LRRC66: variants seen among roughly 807,000 people sequenced by gnomAD.
LRRC66 encodes leucine rich repeat containing 66, also known as leucine-rich repeat-containing protein 66.
A neutral mutation model predicts 24.6 loss-of-function variants in LRRC66; 29 were observed. The ratio of observed to expected loss-of-function variants is 1.18; its 90% CI spans 0.88 to 1.61. The LOEUF (loss-of-function observed/expected upper bound fraction) is 1.61. LRRC66 is among the 40% of genes most tolerant of loss of function. The probability of loss-of-function intolerance (pLI) is 0.00; values close to 1 mark genes in which losing one functional copy is unlikely to be tolerated. For synonymous variants in LRRC66, 411 were observed against 397.6 expected (o/e 1.03, Z -0.40); for missense variants, 1,124 against 1,058.0 (o/e 1.06, Z -0.87).
At chr4:51,996,529 C>G (rs1736322310) in intron 4 of LRRC66, among the ~76,000 whole-genome samples, 1 of 152,148 alleles carries the variant, frequency 6.6e-6, no homozygotes, top group Non-Finnish European at 1.5e-5. Context: ...ACAGCTGGGA[C>G]TATAGGTGTG....
intron 2 of LRRC66, among the ~76,000 whole-genome samples, chr4:52,009,979 CAAT>C (rs1372943816): frequency 6.6e-6 from 1 of 151,982 alleles, no homozygotes; most frequent in East Asian, 1.9e-4. Context: ...ATAAAAAAGA[CAAT>C]AAATCATGAC....
At chr4:51,999,051 T>G (rs1355753549) in intron 3 of LRRC66, among the ~76,000 whole-genome samples, 1 of 152,144 alleles carries the variant, frequency 6.6e-6, no homozygotes, top group Non-Finnish European at 1.5e-5. Flanking sequence ...ACATACCCTC[T>G]TGGTGCCTGA....
chr4:52,017,666 C>G, intron 1 of LRRC66, 48 bp from the exon 2 acceptor site: 1 of 1,459,462 alleles, frequency 6.9e-7, no homozygotes, highest in African/African-American at 1.4e-5. Context: ...TATATAAAAA[C>G]TAACAGCAAT....
At position 51,995,703 on chromosome 4, in the gene LRRC66, G is replaced by A. The variant is rs748535219; in HGVS notation, c.1319C>T (p.Thr440Ile). The change falls in exon 5 of 5, where the codon ACC (threonine) becomes ATC (isoleucine). Residue 440 changes from threonine (T) to isoleucine (I), a missense_variant. Transcript: ENST00000682860. ...ATGAGGAAATACTTGGCGCAGATGG[G>A]TCTCTGGGTGTGGTGTGTGCCCCGC... is the stretch of plus-strand genomic sequence containing the variant. ...EAAGHTPHPE[T>I]HLRQVFPHLS... 3.7e-6 allele frequency: 6 copies of A among 1,614,162 alleles called. No homozygotes were observed. Among genetic ancestry groups the A allele is most frequent in the East Asian group, 4.5e-5 (2 of 44,874 alleles).
intron 2 of LRRC66, among the ~76,000 whole-genome samples, chr4:52,011,024 A>G (rs972434836): frequency 6.6e-6 from 1 of 152,222 alleles, no homozygotes; most frequent in Non-Finnish European, 1.5e-5. Context: ...AAAGGAGATC[A>G]GCGGTTTCCT....
chr4:51,997,637 G>A, intron 4 of LRRC66, 111 bp downstream of exon 4: 1 of 936,052 alleles, frequency 1.1e-6, no homozygotes, highest in African/African-American at 1.6e-5. Context: ...TAATGCCAAG[G>A]ATCAGCACTT....
chr4:52,019,040 C>T (rs934585294), intron 1 of LRRC66, among the ~76,000 whole-genome samples: 3 of 152,212 alleles, frequency 2.0e-5, no homozygotes, highest in Non-Finnish European at 4.4e-5. Flanking sequence ...CTACAACTCA[C>T]TAATTTGTAT....
At chr4:51,999,131 C>T (rs2110193461) in intron 3 of LRRC66, among the ~76,000 whole-genome samples, 2 of 152,132 alleles carry the variant, frequency 1.3e-5, no homozygotes, top group South Asian at 4.2e-4. Flanking sequence ...CAGGGTGGCT[C>T]ATGAGGTTTG....
chr4:52,012,050 G>A (rs1361249589), intron 2 of LRRC66, among the ~76,000 whole-genome samples: 1 of 152,060 alleles, frequency 6.6e-6, no homozygotes, highest in Admixed American at 6.6e-5. Flanking sequence ...AGCTGGGTGT[G>A]GTGGCAGGCA....
In LRRC66 at chr4:51,995,016, A is replaced by C. The variant is rs1736260950; in HGVS notation, c.2006T>G (p.Phe669Cys). Residue 669 changes from phenylalanine (F) to cysteine (C), a missense_variant, in exon 5 of 5, where the codon TTT (phenylalanine) becomes TGT (cysteine). Coordinates refer to ENST00000682860, the MANE Select transcript of LRRC66 (RefSeq NM_001024611.3). ...GDPRDTGPSV[F>C]PPRWDSGLDV... ...CAGGCCACTGTCCCATCTTGGAGGA[A>C]AGACTGATGGGCCTGTGTCTCTTGG... The C allele has an allele frequency of 2.5e-6, 4 of 1,614,002 alleles. No individual in the cohort carries two copies. The highest frequency in any genetic ancestry group is 3.4e-6 in the Non-Finnish European group (4 of 1,180,036).
Position 52,017,482 on chromosome 4 carries a change from T to C in LRRC66, c.132A>G (p.Thr44=), listed in dbSNP as rs369839451. The change falls in exon 2 of 5, where the codon ACA becomes ACG. Residue 44 remains threonine (T), a synonymous_variant. Coordinates refer to ENST00000682860, the MANE Select transcript of LRRC66 (RefSeq NM_001024611.3). ...CACACTTTCCGGTAAAAGAACAATT[T>C]GTCAGAATATATTCATTCCATTGGC... ...SECQWNEYIL[T]NCSFTGKCDI... The C allele has an allele frequency of 3.7e-5, 60 of 1,613,978 alleles. No individual in the cohort carries two copies. In the African/African-American group the frequency reaches 6.9e-4, roughly 19 times the overall value.
intron 1 of LRRC66, among the ~76,000 whole-genome samples, 87 bp downstream of exon 1, chr4:52,020,217 A>C (rs1736913773): frequency 6.6e-6 from 1 of 152,234 alleles, no homozygotes; most frequent in South Asian, 2.1e-4. Flanking sequence ...CATAAAAGAA[A>C]GGGTGGCAAA....
At chr4:52,001,936 T>C (rs1019431703) in intron 3 of LRRC66, among the ~76,000 whole-genome samples, 1 of 152,244 alleles carries the variant, frequency 6.6e-6, no homozygotes, top group African/African-American at 2.4e-5. Context: ...CCTATCCATG[T>C]CCATCAGCCA....
At chr4:51,999,077 G>C (rs1736388035) in intron 3 of LRRC66, among the ~76,000 whole-genome samples, 1 of 152,196 alleles carries the variant, frequency 6.6e-6, no homozygotes, top group African/African-American at 2.4e-5. Flanking sequence ...TGCTACACTA[G>C]AGTGAAGGAA....
Position 52,006,725 on chromosome 4 carries a change from T to A in LRRC66, c.497-3333A>T, listed in dbSNP as rs981405150. Among the ~76,000 whole-genome samples, 7 of 7,832 alleles carry A rather than the reference T, an allele frequency of 8.9e-4. 1 individual carries two copies. The highest frequency in any genetic ancestry group is 4.0e-3 in the African/African-American group (4 of 992). 5.1% of individuals were successfully genotyped at this position (7,832 alleles called of 152,430 possible). On this transcript the variant is annotated intron_variant, in intron 2 of 4. Coordinates refer to ENST00000682860, the MANE Select transcript of LRRC66 (RefSeq NM_001024611.3). Reference sequence around the variant, plus strand: ...ATAATAATAATAATAATAATAATAATAAAGAAAAAAAAACAAAAACAAAAA... The same window carrying A: ...ATAATAATAATAATAATAATAATAAAAAAGAAAAAAAAACAAAAACAAAAA...
intron 1 of LRRC66, among the ~76,000 whole-genome samples, chr4:52,019,370 G>T (rs1736893141): frequency 6.6e-6 from 1 of 151,644 alleles, no homozygotes; most frequent in African/African-American, 2.4e-5. Context: ...AAAAAAAAAA[G>T]GAACATTATC....
intron 2 of LRRC66, among the ~76,000 whole-genome samples, chr4:52,006,251 C>T (rs887236407): frequency 2.0e-5 from 3 of 152,182 alleles, no homozygotes; most frequent in East Asian, 1.9e-4. Flanking sequence ...CACATGCACA[C>T]GTATGTTTAT....
chr4:52,019,799 G>C (rs1341810213), intron 1 of LRRC66, among the ~76,000 whole-genome samples: 1 of 152,150 alleles, frequency 6.6e-6, no homozygotes, highest in African/African-American at 2.4e-5. Context: ...GTGCTGAAGA[G>C]AAAGACATGG....
chr4:52,013,214 T>C (rs1370913475), intron 2 of LRRC66, among the ~76,000 whole-genome samples: 1 of 152,264 alleles, frequency 6.6e-6, no homozygotes, highest in Non-Finnish European at 1.5e-5. Flanking sequence ...GGATGAAATC[T>C]TTAATTTTCT....
Sources: allele counts gnomAD v4.1 joint callset (sites outside exome capture counted in the v4.1 genomes callset), GRCh38; gene constraint gnomAD v4.1.1; transcripts MANE v1.5; gene names NCBI Gene and HGNC (gene_info 2026-07-23, HGNC 2026-07-21).